Variants in C1QTNF3 observed in about 807,000 individuals in gnomAD.
C1QTNF3 encodes complement C1q tumor necrosis factor-related protein 3.
C1QTNF3 carries 26 observed loss-of-function variants against 32.6 expected under a neutral mutation model. The observed-to-expected ratio is 0.80, with a 90% CI of 0.58 to 1.11. The LOEUF (loss-of-function observed/expected upper bound fraction) is 1.11, where lower values mean the gene tolerates loss of function less well. Ranked by LOEUF, C1QTNF3 falls within the 50% of genes least tolerant of loss-of-function variation. C1QTNF3 has a pLI of 0.00. For synonymous variants in C1QTNF3, 155 were observed against 146.0 expected (o/e 1.06, Z -0.44); for missense variants, 362 against 398.2 (o/e 0.91, Z 0.77).
chr5:34,212,082 C>G, the C1QTNF3 span, among the ~76,000 whole-genome samples: 1 of 151,536 alleles, frequency 6.6e-6, no homozygotes, highest in African/African-American at 2.4e-5. Flanking sequence ...CAGAACAGAG[C>G]CCTCAGAAAT....
the C1QTNF3 span, among the ~76,000 whole-genome samples, chr5:34,179,352 C>T: frequency 6.6e-6 from 1 of 152,266 alleles, no homozygotes; most frequent in Non-Finnish European, 1.5e-5. Context: ...CTTAGTGGCA[C>T]GCATCTGTAA....
At chr5:34,035,797 CT>C in intron 1 of C1QTNF3, 39 bp from the exon 2 acceptor site, 1 of 1,496,826 alleles carries the variant, frequency 6.7e-7, no homozygotes, top group Non-Finnish European at 9.2e-7. Flanking sequence ...AAAAAAGGTA[CT>C]TGTGAGCAAT....
At chr5:34,141,097 TG>T in the C1QTNF3 span, among the ~76,000 whole-genome samples, 1 of 152,082 alleles carries the variant, frequency 6.6e-6, no homozygotes, top group Admixed American at 6.5e-5. Flanking sequence ...AAGTCTAAGA[TG>T]AATGTGTTGG....
chr5:34,121,081 C>T, the C1QTNF3 span, among the ~76,000 whole-genome samples: 1 of 152,104 alleles, frequency 6.6e-6, no homozygotes, highest in African/African-American at 2.4e-5. Context: ...TACTTTTATT[C>T]TGATAAATGT....
At chr5:34,057,874 A>G in the C1QTNF3 span, among the ~76,000 whole-genome samples, 251 of 152,298 alleles carry the variant, frequency 1.6e-3, 5 homozygotes, top group East Asian at 0.046. Flanking sequence ...CCAGGTAAAC[A>G]TATTTCTTAC....
chr5:34,237,777 GGGCCTCTGCCT>G, the C1QTNF3 span, among the ~76,000 whole-genome samples: 1 of 152,052 alleles, frequency 6.6e-6, no homozygotes, highest in Non-Finnish European at 1.5e-5. Context: ...TCCTAGGAAA[GGGCCTCTGCCT>G]GAGAGAGACC....
At chr5:34,124,709 C>A in the C1QTNF3 span, among the ~76,000 whole-genome samples, 1 of 152,164 alleles carries the variant, frequency 6.6e-6, no homozygotes, top group Non-Finnish European at 1.5e-5. Flanking sequence ...AATTATATCA[C>A]CAGATTAGGA....
the C1QTNF3 span, among the ~76,000 whole-genome samples, chr5:34,215,281 TA>T: frequency 6.6e-6 from 1 of 152,134 alleles, no homozygotes; most frequent in African/African-American, 2.4e-5. Context: ...AAGCCTGGGC[TA>T]GGGGAGCTCT....
the C1QTNF3 span, among the ~76,000 whole-genome samples, chr5:34,208,901 T>G: frequency 6.6e-6 from 1 of 152,168 alleles, no homozygotes; most frequent in Non-Finnish European, 1.5e-5. Context: ...TTTGTTTTAT[T>G]TTCAACAACA....
chr5:34,137,156 A>G, the C1QTNF3 span, among the ~76,000 whole-genome samples: 1 of 152,010 alleles, frequency 6.6e-6, no homozygotes, highest in Non-Finnish European at 1.5e-5. Context: ...TTAAAAAAAA[A>G]AAAAAAGTGA....
chr5:34,064,682 C>T, the C1QTNF3 span, among the ~76,000 whole-genome samples: 1 of 152,112 alleles, frequency 6.6e-6, no homozygotes, highest in South Asian at 2.1e-4. Context: ...CGGCAAACAG[C>T]AGTGGTGGAT....
At chr5:34,191,476 C>T in the C1QTNF3 span, 1 of 711,174 alleles carries the variant, frequency 1.4e-6, no homozygotes, top group East Asian at 2.7e-5. Context: ...GGGTCACACC[C>T]GCTGTGAAAA....
At chr5:34,114,577 A>G in the C1QTNF3 span, among the ~76,000 whole-genome samples, 9 of 152,222 alleles carry the variant, frequency 5.9e-5, no homozygotes, top group African/African-American at 2.2e-4. Context: ...ATATCCACAG[A>G]GATGAACTCA....
At chr5:34,242,069 T>C in the C1QTNF3 span, among the ~76,000 whole-genome samples, 2,143 of 151,856 alleles carry the variant, frequency 0.014, 36 homozygotes, top group South Asian at 0.033. Flanking sequence ...GAATCAATAT[T>C]GTTAAAATGG....
chr5:34,034,703 C>A (rs1378363677), intron 2 of C1QTNF3, among the ~76,000 whole-genome samples: 1 of 152,136 alleles, frequency 6.6e-6, no homozygotes, highest in Non-Finnish European at 1.5e-5. Context: ...TTTTGTGTAA[C>A]CTCACAAGAG....
At chr5:34,106,603 AT>A in the C1QTNF3 span, among the ~76,000 whole-genome samples, 2 of 118,826 alleles carry the variant, frequency 1.7e-5, no homozygotes, top group South Asian at 6.0e-4. Flanking sequence ...ATGGTATGAT[AT>A]ATACACAATA....
chr5:34,045,336 C>T (rs1346305529), upstream of C1QTNF3, among the ~76,000 whole-genome samples: 1 of 152,184 alleles, frequency 6.6e-6, no homozygotes, highest in Non-Finnish European at 1.5e-5. Context: ...AATATTAATG[C>T]CTGGACTCTA....
At chr5:34,137,456 T>C in the C1QTNF3 span, among the ~76,000 whole-genome samples, 2 of 152,158 alleles carry the variant, frequency 1.3e-5, no homozygotes, top group Middle Eastern at 3.2e-3. Context: ...TGAAGTCCTC[T>C]CTCCTATCTG....
the C1QTNF3 span, among the ~76,000 whole-genome samples, chr5:34,098,481 C>G: frequency 6.6e-6 from 1 of 152,262 alleles, no homozygotes; most frequent in African/African-American, 2.4e-5. Flanking sequence ...GCGGAGGAAA[C>G]AGGCTTTTAT....
Sources: gnomAD v4.1 joint callset for allele counts (sites outside exome capture counted in the v4.1 genomes callset) on GRCh38, gnomAD v4.1.1 for gene constraint, MANE v1.5 for transcripts, NCBI Gene and HGNC (gene_info 2026-07-23, HGNC 2026-07-21) for gene names.